The following KIAA1958 variants were observed in gnomAD, a reference collection of about 807,000 sequenced individuals.
KIAA1958 encodes the protein uncharacterized protein KIAA1958.
Under a neutral mutation model 47.2 loss-of-function variants are expected in KIAA1958, and 14 were observed. The observed-to-expected ratio is 0.30, with a 90% CI of 0.20 to 0.46. The LOEUF is 0.46. Ranked by LOEUF, KIAA1958 falls within the 20% of genes least tolerant of loss-of-function variation. The pLI, the probability that KIAA1958 is intolerant of heterozygous loss-of-function variation, is 1.00. For synonymous variants in KIAA1958, 354 were observed against 353.3 expected (o/e 1.00, Z -0.02); for missense variants, 803 against 909.2 (o/e 0.88, Z 1.50).
intron 2 of KIAA1958, among the ~76,000 whole-genome samples, chr9:112,606,034 C>G (rs1257559320): frequency 6.6e-6 from 1 of 152,202 alleles, no homozygotes; most frequent in Non-Finnish European, 1.5e-5. Context: ...TAGACCCAGC[C>G]TACTTAATTC....
At chr9:112,573,788 T>C (rs189822010) in intron 1 of KIAA1958, among the ~76,000 whole-genome samples, 1 of 152,306 alleles carries the variant, frequency 6.6e-6, no homozygotes, top group East Asian at 1.9e-4. Context: ...CTCTCCTTTC[T>C]TTCCCCCCTT....
At chr9:112,499,108 G>A (rs1334140402) in intron 1 of KIAA1958, among the ~76,000 whole-genome samples, 1 of 152,196 alleles carries the variant, frequency 6.6e-6, no homozygotes. Flanking sequence ...ATTCCATTGT[G>A]TATATACACC....
chr9:112,558,557 C>T (rs1835280278), intron 1 of KIAA1958, among the ~76,000 whole-genome samples: 2 of 152,172 alleles, frequency 1.3e-5, no homozygotes, highest in African/African-American at 4.8e-5. Flanking sequence ...AGGCTTAGTC[C>T]TGTTACCAGT....
intron 1 of KIAA1958, among the ~76,000 whole-genome samples, chr9:112,508,400 C>T (rs1834268005): frequency 6.6e-6 from 1 of 152,174 alleles, no homozygotes; most frequent in Non-Finnish European, 1.5e-5. Context: ...CTTAAATTCT[C>T]ATTCTATTTC....
intron 2 of KIAA1958, among the ~76,000 whole-genome samples, chr9:112,640,637 CT>C (rs775903149): frequency 3.9e-5 from 6 of 152,090 alleles, no homozygotes; most frequent in Non-Finnish European, 8.8e-5. Context: ...CGCTGCAGCT[CT>C]GCAAATGCCT....
chr9:112,578,289 A>T (rs539779861), intron 2 of KIAA1958, among the ~76,000 whole-genome samples: 11 of 152,284 alleles, frequency 7.2e-5, no homozygotes, highest in Admixed American at 5.9e-4. Flanking sequence ...CATAGATTTT[A>T]AAAAATTTAG....
chr9:112,491,417 C>A lies in KIAA1958; in HGVS notation c.-25+4299C>A, dbSNP rs185782278. On this transcript the variant is annotated intron_variant, in intron 1 of 3. Coordinates refer to ENST00000337530, the MANE Select transcript of KIAA1958 (RefSeq NM_133465.4). Reference sequence around the variant, plus strand: ...ACCTAGCACCAGGGAGTAGCTCCCCCCTTGGTTGCTGCAAGTTAGAGAATA... The same window carrying A: ...ACCTAGCACCAGGGAGTAGCTCCCCACTTGGTTGCTGCAAGTTAGAGAATA... Among the ~76,000 whole-genome samples the A allele has an allele frequency of 2.6e-4, 39 of 152,298 alleles. No homozygotes were observed. In the South Asian group the frequency reaches 3.1e-3, roughly 12 times the overall value.
intron 1 of KIAA1958, among the ~76,000 whole-genome samples, chr9:112,568,514 G>T (rs1588021583): frequency 6.6e-6 from 1 of 152,088 alleles, no homozygotes; most frequent in African/African-American, 2.4e-5. Context: ...TTAGAACTCT[G>T]TAAGTCTTCC....
At chr9:112,555,550 G>A (rs964475031) in intron 1 of KIAA1958, among the ~76,000 whole-genome samples, 1 of 152,190 alleles carries the variant, frequency 6.6e-6, no homozygotes, top group African/African-American at 2.4e-5. Context: ...AGGCTGGAAA[G>A]TCCAAGATCA....
intron 1 of KIAA1958, among the ~76,000 whole-genome samples, chr9:112,491,546 GTTTTTTTTTTT>G (rs1242114397): frequency 2.1e-5 from 3 of 140,606 alleles, no homozygotes; most frequent in African/African-American, 7.8e-5. Flanking sequence ...TTATTAGCTG[GTTTTTTTTTTT>G]GTTTTTTTTG....
In KIAA1958 at chr9:112,522,260, C is replaced by A. The variant is rs540622409; in HGVS notation, c.-25+35142C>A. Among the ~76,000 whole-genome samples, 5 of 152,330 alleles carry A rather than the reference C, an allele frequency of 3.3e-5. No individual in the cohort carries two copies. The East Asian group carries it at 9.6e-4, about 29-fold the overall frequency. On this transcript the variant is annotated intron_variant, in intron 1 of 3. Coordinates refer to ENST00000337530, the MANE Select transcript of KIAA1958 (RefSeq NM_133465.4). ...TGCTGGGATTATAGGCGTGAGCCAC[C>A]GTGCCCAGCCACTTAAAGAACTTTT...
rs145700641 is a variant in KIAA1958 at position 112,498,700 on chromosome 9, C to T, written c.-25+11582C>T. On this transcript the variant is annotated intron_variant, in intron 1 of 3. Coordinates refer to ENST00000337530, the MANE Select transcript of KIAA1958 (RefSeq NM_133465.4). ...GTAATATTTCAATATGTGTATACAA[C>T]GTATAATGATCAAATCAGGGTAATT... Among the ~76,000 whole-genome samples the T allele has an allele frequency of 5.8e-4, 88 of 152,130 alleles. 1 individual carries two copies. The highest frequency in any genetic ancestry group is 2.1e-3 in the African/African-American group (87 of 41,498).
chr9:112,618,305 C>T lies in KIAA1958; in HGVS notation c.1172-27345C>T, dbSNP rs1469345287. The T allele has an allele frequency of 6.4e-7, 1 of 1,551,094 alleles. No individual in the cohort carries two copies. Among genetic ancestry groups the T allele is most frequent in the Admixed American group, 2.0e-5 (1 of 51,004 alleles). ...CCTGCGGAAAAGGGGACTGCTAAGC[C>T]GATATAACCCCGAGGGTTTGCTCAA... On this transcript the variant is annotated intron_variant, in intron 2 of 3. Coordinates refer to ENST00000337530, the MANE Select transcript of KIAA1958 (RefSeq NM_133465.4). The surrounding 1 kb of genome is among the most constrained non-coding windows in gnomAD (Gnocchi z 7.1).
At chr9:112,533,241 T>A (rs928825155) in intron 1 of KIAA1958, among the ~76,000 whole-genome samples, 1 of 151,970 alleles carries the variant, frequency 6.6e-6, no homozygotes, top group African/African-American at 2.4e-5. Flanking sequence ...CATGCTGCTG[T>A]GAAGGAGTAC....
chr9:112,521,841 T>C (rs1213834968), intron 1 of KIAA1958, among the ~76,000 whole-genome samples: 1 of 152,316 alleles, frequency 6.6e-6, no homozygotes, highest in African/African-American at 2.4e-5. Flanking sequence ...GTTATCCCCA[T>C]TGTTAAAGTG....
At chr9:112,523,543 C>T (rs1309098038) in intron 1 of KIAA1958, among the ~76,000 whole-genome samples, 3 of 152,192 alleles carry the variant, frequency 2.0e-5, no homozygotes, top group Non-Finnish European at 4.4e-5. Context: ...CAGATCTGGT[C>T]TCTGGCCTAG....
At chr9:112,528,021 C>T (rs1834689499) in intron 1 of KIAA1958, among the ~76,000 whole-genome samples, 1 of 151,872 alleles carries the variant, frequency 6.6e-6, no homozygotes, top group African/African-American at 2.4e-5. Flanking sequence ...CCGATATTAT[C>T]TTCTAAACAG....
intron 2 of KIAA1958, among the ~76,000 whole-genome samples, chr9:112,594,411 C>T (rs1455112848): frequency 6.6e-6 from 1 of 152,204 alleles, no homozygotes; most frequent in East Asian, 1.9e-4. Context: ...GCCTCTCTTA[C>T]TCCCTCCTCA....
At chr9:112,646,870 T>C (rs1212162325) in intron 3 of KIAA1958, among the ~76,000 whole-genome samples, 1 of 152,262 alleles carries the variant, frequency 6.6e-6, no homozygotes, top group Non-Finnish European at 1.5e-5. Context: ...TTGATTTGAC[T>C]GCATTGAGTC....
Sources: gnomAD v4.1 joint callset for allele counts (sites outside exome capture counted in the v4.1 genomes callset) on GRCh38, gnomAD v4.1.1 for gene constraint, Gnocchi (gnomAD v3.1) non-coding constraint, MANE v1.5 for transcripts, NCBI Gene and HGNC (gene_info 2026-07-23, HGNC 2026-07-21) for gene names.